Variants in SHISA9 observed in about 807,000 individuals in gnomAD.
The protein encoded by SHISA9 is protein shisa-9.
In SHISA9, 13 loss-of-function variants were observed where a neutral mutation model predicts 38.0. The observed-to-expected ratio is 0.34, with a 90% CI of 0.22 to 0.54. The LOEUF (loss-of-function observed/expected upper bound fraction) is 0.54, where lower values mean the gene tolerates loss of function less well. Ranked by LOEUF, SHISA9 falls within the 20% of genes least tolerant of loss-of-function variation. The pLI, the probability that SHISA9 is intolerant of heterozygous loss-of-function variation, is 0.91. For synonymous variants in SHISA9, 275 were observed against 242.0 expected, an observed-to-expected ratio of 1.14 and a Z score of -1.27; for missense variants, 538 against 575.8, an observed-to-expected ratio of 0.93 and a Z score of 0.67.
At chr16:13,403,398 C>T in the SHISA9 span, among the ~76,000 whole-genome samples, 1 of 152,136 alleles carries the variant, frequency 6.6e-6, no homozygotes, top group Non-Finnish European at 1.5e-5. Context: ...TTTTAGCATG[C>T]AGTATATCTT....
chr16:12,973,494 G>A (rs376928142), intron 2 of SHISA9, among the ~76,000 whole-genome samples: 3 of 152,160 alleles, frequency 2.0e-5, no homozygotes, highest in Admixed American at 6.5e-5. Flanking sequence ...GAAACATTTC[G>A]ACTTCAGAGC....
At chr16:12,945,641 G>T (rs1567348371) in intron 2 of SHISA9, among the ~76,000 whole-genome samples, 1 of 152,320 alleles carries the variant, frequency 6.6e-6, no homozygotes, top group East Asian at 1.9e-4. Flanking sequence ...CCTTGAATAA[G>T]TTAGTTCACC....
the SHISA9 span, among the ~76,000 whole-genome samples, chr16:13,491,800 A>G: frequency 2.3e-5 from 2 of 87,328 alleles, no homozygotes; most frequent in South Asian, 7.1e-4. Flanking sequence ...TGGGATTTTT[A>G]AATATTTATT....
the SHISA9 span, among the ~76,000 whole-genome samples, chr16:13,440,063 A>G: frequency 2.6e-5 from 4 of 152,170 alleles, no homozygotes; most frequent in African/African-American, 4.8e-5. Flanking sequence ...ACTCGTTGGT[A>G]AGTTTATCTC....
intron 2 of SHISA9, among the ~76,000 whole-genome samples, chr16:13,120,905 T>G (rs575768763): frequency 6.6e-6 from 1 of 152,272 alleles, no homozygotes; most frequent in African/African-American, 2.4e-5. Flanking sequence ...AGAACTTTTT[T>G]TAAGCTACTC....
the SHISA9 span, among the ~76,000 whole-genome samples, chr16:13,315,345 C>T: frequency 1.3e-5 from 2 of 152,214 alleles, no homozygotes; most frequent in Non-Finnish European, 2.9e-5. Flanking sequence ...AAGGACGTAG[C>T]ATAGTGTGTG....
At chr16:13,190,327 A>G (rs2050871943) in intron 2 of SHISA9, among the ~76,000 whole-genome samples, 1 of 150,650 alleles carries the variant, frequency 6.6e-6, no homozygotes, top group African/African-American at 2.4e-5. Flanking sequence ...GAGAATATGC[A>G]AAACACCCTT....
the SHISA9 span, among the ~76,000 whole-genome samples, chr16:13,257,637 A>C: frequency 6.6e-6 from 1 of 152,160 alleles, no homozygotes; most frequent in Non-Finnish European, 1.5e-5. Flanking sequence ...CAGTTTAAAT[A>C]CCGTGGTTCT....
chr16:13,290,000 T>C, the SHISA9 span, among the ~76,000 whole-genome samples: 1 of 152,194 alleles, frequency 6.6e-6, no homozygotes. Flanking sequence ...AGTCTAGTTG[T>C]TTTATAAGAG....
the SHISA9 span, among the ~76,000 whole-genome samples, chr16:13,339,246 G>C: frequency 6.6e-6 from 1 of 150,828 alleles, no homozygotes; most frequent in Non-Finnish European, 1.5e-5. Flanking sequence ...TAACTTAAGG[G>C]CTATTAGGTA....
the SHISA9 span, among the ~76,000 whole-genome samples, chr16:13,371,643 G>C: frequency 6.6e-6 from 1 of 152,208 alleles, no homozygotes; most frequent in African/African-American, 2.4e-5. Flanking sequence ...TAAGATTAGC[G>C]ATGTCCCTTC....
rs2050501451 is a variant in SHISA9, at chr16:13,151,741, A to G, written c.692-51653A>G. 2.6e-5 allele frequency among the ~76,000 whole-genome samples: 4 copies of G among 152,220 alleles called. No homozygotes were observed. The South Asian group carries it at 8.3e-4, about 32-fold the overall frequency. On this transcript the variant is annotated intron_variant, in intron 2 of 4. Coordinates refer to ENST00000558583, the MANE Select transcript of SHISA9 (RefSeq NM_001145204.3). ...AGAAAAACAGATTTCCCTGATGATC[A>G]TTCTGCACGTCAGTACATGCCCACT...
chr16:13,509,178 A>G, the SHISA9 span, among the ~76,000 whole-genome samples: 2 of 152,164 alleles, frequency 1.3e-5, no homozygotes, highest in Admixed American at 1.3e-4. Context: ...TGTTACCTTT[A>G]AATAGGATGC....
chr16:12,969,076 G>A, intron 2 of SHISA9, among the ~76,000 whole-genome samples: 1 of 151,150 alleles, frequency 6.6e-6, no homozygotes, highest in Non-Finnish European at 1.5e-5. Flanking sequence ...AGAATCGCTT[G>A]AACCTAGGGG....
At chr16:13,483,461 G>C in the SHISA9 span, among the ~76,000 whole-genome samples, 1 of 152,166 alleles carries the variant, frequency 6.6e-6, no homozygotes, top group Admixed American at 6.5e-5. Context: ...TCACAAATGA[G>C]CTTCATTCAG....
At chr16:13,461,563 G>A in the SHISA9 span, among the ~76,000 whole-genome samples, 2 of 142,286 alleles carry the variant, frequency 1.4e-5, no homozygotes, top group East Asian at 2.2e-4. Context: ...TGGGCAACAA[G>A]AGCAAAACTC....
At chr16:13,546,741 C>T in the SHISA9 span, among the ~76,000 whole-genome samples, 1 of 152,148 alleles carries the variant, frequency 6.6e-6, no homozygotes, top group African/African-American at 2.4e-5. Context: ...TTTATTGGCA[C>T]AAAACCATAT....
chr16:13,453,233 C>G, the SHISA9 span, among the ~76,000 whole-genome samples: 1 of 152,150 alleles, frequency 6.6e-6, no homozygotes, highest in Non-Finnish European at 1.5e-5. Context: ...TTTGTTTTTG[C>G]CCTTGCAATA....
At chr16:13,036,639 T>C (rs375642309) in intron 2 of SHISA9, among the ~76,000 whole-genome samples, 12 of 152,142 alleles carry the variant, frequency 7.9e-5, no homozygotes, top group African/African-American at 1.4e-4. Flanking sequence ...CTCCATAAAG[T>C]TGATTTTCAA....
Sources: gnomAD v4.1 joint callset for allele counts (sites outside exome capture counted in the v4.1 genomes callset) on GRCh38, gnomAD v4.1.1 for gene constraint, MANE v1.5 for transcripts, NCBI Gene and HGNC (gene_info 2026-07-23, HGNC 2026-07-21) for gene names.